MAPK10: variants seen among roughly 807,000 people sequenced by gnomAD.
MAPK10 encodes JNK3 alpha protein kinase.
Under a neutral mutation model 59.3 loss-of-function variants are expected in MAPK10, and 25 were observed. The ratio of observed to expected loss-of-function variants is 0.42; its 90% confidence interval spans 0.31 to 0.59. MAPK10 has a LOEUF of 0.59. Among genes scored for constraint, MAPK10 ranks in the 20% least tolerant of loss-of-function variants. The pLI is 0.15. For synonymous variants in MAPK10, 190 were observed against 200.5 expected (o/e 0.95, Z 0.44); for missense variants, 351 against 568.9 (o/e 0.62, Z 3.90).
chr4:86,062,036 A>T (rs2148982528), intron 11 of MAPK10, among the ~76,000 whole-genome samples: 1 of 152,294 alleles, frequency 6.6e-6, no homozygotes, highest in African/African-American at 2.4e-5. Context: ...AGCATAGCTG[A>T]CTACTGATTC....
chr4:86,170,851 G>T (rs1001633921), intron 3 of MAPK10, among the ~76,000 whole-genome samples: 19 of 150,364 alleles, frequency 1.3e-4, no homozygotes, highest in Admixed American at 6.6e-4. Context: ...AAATGTAAAA[G>T]AACAGAAATT....
intron 1 of MAPK10, among the ~76,000 whole-genome samples, chr4:86,398,350 T>C (rs1743249490): frequency 2.0e-5 from 3 of 152,164 alleles, no homozygotes; most frequent in Non-Finnish European, 2.9e-5. Flanking sequence ...CTCATTTGCA[T>C]TCATAACAAC....
intron 1 of MAPK10, among the ~76,000 whole-genome samples, chr4:86,581,765 G>A (rs2149112716): frequency 6.7e-6 from 1 of 148,942 alleles, no homozygotes; most frequent in Admixed American, 6.8e-5. Flanking sequence ...CAACCTCTAT[G>A]TATCTTTGAA....
At chr4:86,242,412 C>T (rs1355149902) in intron 2 of MAPK10, among the ~76,000 whole-genome samples, 1 of 152,184 alleles carries the variant, frequency 6.6e-6, no homozygotes. Flanking sequence ...GGGAAACCCA[C>T]TTGTCTGGGC....
chr4:86,343,361 C>T (rs545948540), intron 2 of MAPK10, among the ~76,000 whole-genome samples: 1 of 152,268 alleles, frequency 6.6e-6, no homozygotes, highest in East Asian at 1.9e-4. Flanking sequence ...GAGTCAGGTT[C>T]TATGTCAGAT....
intron 2 of MAPK10, among the ~76,000 whole-genome samples, chr4:86,323,912 G>A (rs944246289): frequency 2.0e-5 from 3 of 152,128 alleles, no homozygotes; most frequent in African/African-American, 7.2e-5. Context: ...CTATTTCTTT[G>A]CCATCATTAG....
chr4:86,176,323 G>A (rs2075679341), intron 3 of MAPK10, among the ~76,000 whole-genome samples: 1 of 152,044 alleles, frequency 6.6e-6, no homozygotes, highest in Non-Finnish European at 1.5e-5. Context: ...TGAAAATCAC[G>A]AATAGTTCTG....
At chr4:86,413,902 G>T (rs1489755884) in intron 1 of MAPK10, among the ~76,000 whole-genome samples, 33 of 152,136 alleles carry the variant, frequency 2.2e-4, no homozygotes, top group Non-Finnish European at 5.9e-5. Flanking sequence ...CCCTGCTTCA[G>T]CTTGCCCTCC....
chr4:86,081,513 C>A (rs527509420), intron 9 of MAPK10: 1 of 151,078 alleles, frequency 6.6e-6, no homozygotes, highest in African/African-American at 2.4e-5. Context: ...AAAAAAAGCA[C>A]AATAGAAAAA....
At chr4:86,276,539 G>T (rs2094582080) in intron 2 of MAPK10, among the ~76,000 whole-genome samples, 1 of 152,126 alleles carries the variant, frequency 6.6e-6, no homozygotes, top group Non-Finnish European at 1.5e-5. Context: ...ATCAAAATTA[G>T]ATACATTTCT....
chr4:86,242,658 G>A (rs1458719163), intron 2 of MAPK10, among the ~76,000 whole-genome samples: 1 of 152,168 alleles, frequency 6.6e-6, no homozygotes, highest in African/African-American at 2.4e-5. Flanking sequence ...TTGGGCTGTG[G>A]GGACAAGTCT....
At chr4:86,214,838 T>C (rs1449655934) in intron 2 of MAPK10, among the ~76,000 whole-genome samples, 1 of 152,176 alleles carries the variant, frequency 6.6e-6, no homozygotes, top group South Asian at 2.1e-4. Context: ...ATGTCAATAC[T>C]AGCCAAAGCT....
intron 2 of MAPK10, among the ~76,000 whole-genome samples, chr4:86,256,575 A>G (rs1465157754): frequency 6.6e-6 from 1 of 151,968 alleles, no homozygotes; most frequent in Admixed American, 6.6e-5. Flanking sequence ...TTTAGTAAGT[A>G]CCTAGATTTT....
intron 4 of MAPK10, among the ~76,000 whole-genome samples, chr4:86,128,500 T>C (rs1306528231): frequency 6.6e-6 from 1 of 152,090 alleles, no homozygotes; most frequent in Non-Finnish European, 1.5e-5. Context: ...TCTGCCACCA[T>C]GTGAAGAAGG....
intron 2 of MAPK10, among the ~76,000 whole-genome samples, chr4:86,322,630 C>G (rs1248988434): frequency 6.6e-6 from 1 of 152,178 alleles, no homozygotes; most frequent in African/African-American, 2.4e-5. Context: ...AGTTCTGAGA[C>G]TCAGCAGCAA....
intron 4 of MAPK10, chr4:86,124,011 G>A (rs1580716749): frequency 6.6e-6 from 1 of 151,830 alleles, no homozygotes; most frequent in African/African-American, 2.4e-5. Context: ...ATAAAGCTAT[G>A]GAAGGTCATT....
intron 1 of MAPK10, among the ~76,000 whole-genome samples, chr4:86,557,913 T>C (rs1173900285): frequency 6.6e-6 from 1 of 152,076 alleles, no homozygotes; most frequent in Non-Finnish European, 1.5e-5. Flanking sequence ...TGCCCTGACT[T>C]AGGTAGAAGT....
At chr4:86,407,539 T>C (rs895274275) in intron 1 of MAPK10, among the ~76,000 whole-genome samples, 4 of 152,202 alleles carry the variant, frequency 2.6e-5, no homozygotes, top group African/African-American at 9.7e-5. Context: ...TACTTCACTG[T>C]ATTGTCAAAT....
chr4:86,408,064 C>T (rs1203001068), intron 1 of MAPK10, among the ~76,000 whole-genome samples: 1 of 148,736 alleles, frequency 6.7e-6, no homozygotes. Flanking sequence ...CCCCCCACCC[C>T]CCGACAAGCC....
Sources: gnomAD v4.1 joint callset for allele counts (sites outside exome capture counted in the v4.1 genomes callset) on GRCh38, gnomAD v4.1.1 for gene constraint, MANE v1.5 for transcripts, NCBI Gene and HGNC (gene_info 2026-07-23, HGNC 2026-07-21) for gene names.